Variants in GBGT1 observed in about 807,000 individuals in gnomAD.
GBGT1 encodes the protein globoside alpha-1,3-N-acetylgalactosaminyltransferase 1 (FORS blood group), also known as globoside alpha-1,3-N-acetylgalactosaminyltransferase 1.
GBGT1 carries 18 observed loss-of-function variants against 20.9 expected under a neutral mutation model. That is an observed-to-expected ratio of 0.86 (90% confidence interval 0.60 to 1.28). The LOEUF is 1.28. GBGT1 is among the 50% of genes most tolerant of loss of function. The probability of loss-of-function intolerance (pLI) is 0.00; values close to 1 mark genes in which losing one functional copy is unlikely to be tolerated. For synonymous variants in GBGT1, 168 were observed against 180.8 expected (o/e 0.93, Z 0.57); for missense variants, 432 against 455.7 (o/e 0.95, Z 0.47).
chr9:133,153,784 G>C lies in GBGT1; in HGVS notation c.837C>G (p.Cys279Trp), dbSNP rs747620866. The C allele has an allele frequency of 1.9e-6, 3 of 1,606,276 alleles. No homozygotes were observed. In the South Asian group the frequency reaches 3.3e-5, roughly 18 times the overall value. Residue 279 changes from cysteine (C) to tryptophan (W), a missense_variant, in exon 7 of 7, where the codon TGC (cysteine) becomes TGG (tryptophan). Coordinates refer to ENST00000372040, the MANE Select transcript of GBGT1 (RefSeq NM_021996.6). ...VARVYEFTRG[C>W]HMAILADKAN... ...CCTTGTCCGCCAGGATGGCCATGTG[G>C]CAGCCCCTAGTAAACTCATATACCC...
At chr9:133,162,843 T>C (rs1833097156) in intron 1 of GBGT1, among the ~76,000 whole-genome samples, 1 of 152,096 alleles carries the variant, frequency 6.6e-6, no homozygotes, top group Non-Finnish European at 1.5e-5. Flanking sequence ...CCAGGAATGC[T>C]CTTTATGGGG....
intron 3 of GBGT1, among the ~76,000 whole-genome samples, chr9:133,159,573 T>C (rs1011877501): frequency 2.0e-5 from 3 of 152,170 alleles, no homozygotes; most frequent in African/African-American, 7.2e-5. Flanking sequence ...GGACGACCCC[T>C]TGAGGCCAGG....
Position 133,154,461 on chromosome 9 carries a change from C to T in GBGT1, c.360-200G>A, listed in dbSNP as rs1832810799. 1 of 443,486 alleles carries T rather than the reference C, an allele frequency of 2.3e-6. No individual in the cohort carries two copies. The highest frequency in any genetic ancestry group is 4.0e-6 in the Non-Finnish European group (1 of 251,304). The allele number at this position is 443,486 out of a possible 1,614,324, so 27.5% of individuals were successfully genotyped here. On this transcript the variant is annotated intron_variant, in intron 6 of 6. Coordinates refer to ENST00000372040, the MANE Select transcript of GBGT1 (RefSeq NM_021996.6). The surrounding 1 kb of genome is among the most constrained non-coding windows in gnomAD (Gnocchi z 4.2). Reference sequence around the variant, plus strand: ...TCTTACGGCTGTTGTAAGCATGTTCCTGGTAGAGATTCTTATGCTCCTAGG... The same window carrying T: ...TCTTACGGCTGTTGTAAGCATGTTCTTGGTAGAGATTCTTATGCTCCTAGG...
chr9:133,159,585 G>T (rs962746280), intron 3 of GBGT1, among the ~76,000 whole-genome samples: 1 of 152,174 alleles, frequency 6.6e-6, no homozygotes, highest in African/African-American at 2.4e-5. Flanking sequence ...GAGGCCAGGA[G>T]TTCCAGACCA....
At chr9:133,163,691 T>G (rs1235871027) in intron 1 of GBGT1, 63 bp downstream of exon 1, 1 of 152,292 alleles carries the variant, frequency 6.6e-6, no homozygotes, top group Non-Finnish European at 1.5e-5. Flanking sequence ...CCTTGGCCCC[T>G]TGCGTGGCAG....
chr9:133,155,218 G>A lies in GBGT1; in HGVS notation c.319C>T (p.Leu107=), dbSNP rs369929528. 1 of 1,614,102 alleles carries A rather than the reference G, an allele frequency of 6.2e-7. No individual in the cohort carries two copies. The highest frequency in any genetic ancestry group is 8.5e-7 in the Non-Finnish European group (1 of 1,180,010). ...PELLQHIYQP[L]NLTIGVTVFA... ...ACCGTGACCCCAATGGTCAGGTTCA[G>A]TGGCTGGTAGATGTGCTGCAGAAGC... is the stretch of plus-strand genomic sequence containing the variant. Residue 107 remains leucine, a synonymous_variant, in exon 6 of 7, where the codon CTG becomes TTG. Coordinates refer to ENST00000372040, the MANE Select transcript of GBGT1 (RefSeq NM_021996.6).
Position 133,155,289 on chromosome 9 carries a change from G to T in GBGT1, c.248C>A (p.Thr83Lys). Residue 83 changes from threonine (T) to lysine (K), a missense_variant, in exon 6 of 7, where the codon ACA becomes AAA. Thr to Lys is a moderately conservative substitution (Grantham distance 78, BLOSUM62 -1). Coordinates refer to ENST00000372040, the MANE Select transcript of GBGT1 (RefSeq NM_021996.6). ...EHRPTQLLTLTPWLAPIVSEG... is the reference protein window; with the variant it reads ...EHRPTQLLTLKPWLAPIVSEG... ...GGAGACGATGGGCGCCAACCAGGGTGTGAGTGTCAGCAGCTGTGTGGGCCT... is the reference window on the plus strand; with the variant it reads ...GGAGACGATGGGCGCCAACCAGGGTTTGAGTGTCAGCAGCTGTGTGGGCCT... 6.2e-7 allele frequency: 1 copy of T among 1,613,990 alleles called. No homozygotes were observed. The highest frequency in any genetic ancestry group is 1.3e-5 in the African/African-American group (1 of 75,018).
At chr9:133,156,402 C>T (rs34021886) in intron 3 of GBGT1, among the ~76,000 whole-genome samples, 15,375 of 152,234 alleles carry the variant, frequency 0.1, 842 homozygotes, top group African/African-American at 0.16. Context: ...TGGCTCACGC[C>T]TGTAATCCCA....
chr9:133,154,143 C>G lies in GBGT1; in HGVS notation c.478G>C (p.Gly160Arg). The part of the protein sequence containing the change: ...NPAAVPGVPL[G>R]PHRLLSSIPI... ...ATGGAGCTGAGAAGCCGGTGGGGAC[C>G]CAGCGGGACCCCGGGAACGGCTGCA... The change falls in exon 7 of 7, where the codon GGT becomes CGT. Residue 160 changes from glycine to arginine, a missense_variant. Transcript: ENST00000372040. This position sits in a 1 kb window ranked among gnomAD's most constrained non-coding sequence, Gnocchi z 4.2. 1.3e-6 allele frequency: 2 copies of G among 1,599,552 alleles called. No homozygotes were observed. The highest frequency in any genetic ancestry group is 1.7e-6 in the Non-Finnish European group (2 of 1,168,772).
chr9:133,159,857 T>C (rs552852616), intron 3 of GBGT1, among the ~76,000 whole-genome samples: 18 of 151,898 alleles, frequency 1.2e-4, no homozygotes, highest in African/African-American at 4.1e-4. Flanking sequence ...GTTGTAGGTA[T>C]ACTTAGCCAA....
intron 3 of GBGT1, among the ~76,000 whole-genome samples, chr9:133,157,347 G>A (rs913244438): frequency 2.0e-5 from 3 of 151,294 alleles, no homozygotes; most frequent in Non-Finnish European, 4.4e-5. Flanking sequence ...TCCTATCTGA[G>A]TTTCAGCTGC....
At chr9:133,156,528 C>T (rs1832876176) in intron 3 of GBGT1, among the ~76,000 whole-genome samples, 2 of 152,010 alleles carry the variant, frequency 1.3e-5, no homozygotes, top group African/African-American at 2.4e-5. Flanking sequence ...GGCATGGTGG[C>T]GGGCGCCTGT....
At chr9:133,155,853 C>A (rs1322044201) in intron 5 of GBGT1, 48 bp downstream of exon 5, 2 of 1,601,698 alleles carry the variant, frequency 1.2e-6, no homozygotes, top group Admixed American at 1.7e-5. Context: ...AATCAGAGCT[C>A]TTTTGTCCTT....
At chr9:133,163,223 G>A (rs940169069) in intron 1 of GBGT1, 1 of 152,318 alleles carries the variant, frequency 6.6e-6, no homozygotes, top group Non-Finnish European at 1.5e-5. Context: ...GGGGCGCCCA[G>A]GATTCCCCGA....
In GBGT1 at chr9:133,154,247, A is replaced by G. The variant is rs371606263; in HGVS notation, c.374T>C (p.Ile125Thr). 6.5e-7 allele frequency: 1 copy of G among 1,527,388 alleles called. No homozygotes were observed. The allele number at this position is 1,527,388 out of a possible 1,614,324, so 94.6% of individuals were successfully genotyped here. ...VFAVGKYTHF[I>T]QSFLESAEEF... is the part of the protein sequence containing the mutation. ...CTCGGCTGACTCCAGGAAGGACTGG[A>G]TGAAATGAGTGTACCTAGTGATGAT... Residue 125 changes from isoleucine (I) to threonine (T), a missense_variant, in exon 7 of 7, where the codon ATC (isoleucine) becomes ACC (threonine). Coordinates refer to ENST00000372040, the MANE Select transcript of GBGT1 (RefSeq NM_021996.6). The surrounding 1 kb of genome is among the most constrained non-coding windows in gnomAD (Gnocchi z 4.2).
chr9:133,154,335 C>T lies in GBGT1; in HGVS notation c.360-74G>A. On this transcript the variant is annotated intron_variant, in intron 6 of 6. Coordinates refer to ENST00000372040, the MANE Select transcript of GBGT1 (RefSeq NM_021996.6). This position sits in a 1 kb window ranked among gnomAD's most constrained non-coding sequence, Gnocchi z 4.2. ...GGTCCCCACTGTGTGCTGGGGTCAG[C>T]CAGGCTGGGGTCCACTTACCAGCTC... 2 of 924,546 alleles carry T rather than the reference C, an allele frequency of 2.2e-6. No individual in the cohort carries two copies. The highest frequency in any genetic ancestry group is 1.9e-5 in the South Asian group (1 of 53,504). 57.3% of individuals were successfully genotyped at this position (924,546 alleles called of 1,614,324 possible). A position where few individuals can be genotyped will look rare whatever the true frequency, so the allele number is the denominator to read the frequency against.
At chr9:133,159,284 AT>A (rs1276442066) in intron 3 of GBGT1, among the ~76,000 whole-genome samples, 1 of 152,310 alleles carries the variant, frequency 6.6e-6, no homozygotes, top group East Asian at 1.9e-4. Context: ...TGAATCAACA[AT>A]TTTTTAAAGT....
intron 2 of GBGT1, among the ~76,000 whole-genome samples, chr9:133,161,877 C>T (rs554390010): frequency 3.3e-5 from 5 of 152,268 alleles, no homozygotes; most frequent in African/African-American, 7.2e-5. Context: ...GGAGCGTGAA[C>T]GGGGATTCCC....
In GBGT1 at chr9:133,162,397, G is replaced by C; in HGVS notation, c.16C>G (p.Leu6Val). 6.2e-7 allele frequency: 1 copy of C among 1,608,850 alleles called. No homozygotes were observed. Among genetic ancestry groups the C allele is most frequent in the Non-Finnish European group, 8.5e-7 (1 of 1,178,638 alleles). Residue 6 changes from leucine to valine, a missense_variant, in exon 2 of 7, where the codon CTG (leucine) becomes GTG (valine). By Grantham distance (32) the Leu-to-Val change is conservative (BLOSUM62 1). Coordinates refer to ENST00000372040, the MANE Select transcript of GBGT1 (RefSeq NM_021996.6). ...AGGCAGAACCCCAGACCCAGGGCCA[G>C]TCTCCGGCGATGCATTGCTGGGGGC... MHRRRLALGLGFCLLA... is the reference protein window; with the variant it reads MHRRRVALGLGFCLLA...
Sources: allele counts gnomAD v4.1 joint callset (sites outside exome capture counted in the v4.1 genomes callset), GRCh38; gene constraint gnomAD v4.1.1; non-coding constraint Gnocchi (gnomAD v3.1); transcripts MANE v1.5; gene names NCBI Gene and HGNC (gene_info 2026-07-23, HGNC 2026-07-21).